ZIC4: variants seen among roughly 807,000 people sequenced by gnomAD.
ZIC4 encodes the protein zinc finger protein ZIC 4.
In ZIC4, 15 loss-of-function variants were observed where a neutral mutation model predicts 28.8. The observed-to-expected ratio is 0.52, with a 90% CI of 0.35 to 0.80. ZIC4 has a LOEUF of 0.80. Ranked by LOEUF, ZIC4 falls within the 30% of genes least tolerant of loss-of-function variation. The pLI is 0.01. For missense variants in ZIC4, 512 were observed against 467.1 expected, an observed-to-expected ratio of 1.10 and a Z score of -0.89; for synonymous variants, 220 against 198.1, an observed-to-expected ratio of 1.11 and a Z score of -0.93.
chr3:147,388,679 C>G lies in ZIC4; in HGVS notation c.*180G>C, dbSNP rs1160674697. ...ATGAAAAGCCTGGACGGGCTCCAGG[C>G]TTGGCCTTTCAGGATTTCAGTGCGA... is the stretch of plus-strand genomic sequence containing the variant. On this transcript the variant is annotated 3_prime_UTR_variant, in exon 5 of 5. Transcript: ENST00000383075. 5.0e-6 allele frequency: 3 copies of G among 604,880 alleles called. No individual in the cohort carries two copies. Among genetic ancestry groups the G allele is most frequent in the Non-Finnish European group, 8.9e-6 (3 of 335,238 alleles). The allele number at this position is 604,880 out of a possible 1,614,324, so 37.5% of individuals were successfully genotyped here.
rs765908678 is a variant in ZIC4, at chr3:147,402,800, T to G, written c.-3A>C. On this transcript the variant is annotated 5_prime_UTR_variant, in exon 2 of 5. Transcript: ENST00000383075. ...ACCAAGGATGTCTTGTATCTCATTT[T>G]CTGACTTTGAGCCTGTTTGGGAAGA... 2 of 1,613,858 alleles carry G rather than the reference T, an allele frequency of 1.2e-6. No individual in the cohort carries two copies. Among genetic ancestry groups the G allele is most frequent in the South Asian group, 2.2e-5 (2 of 91,020 alleles).
At position 147,396,534 on chromosome 3, in the gene ZIC4, C is replaced by T; in HGVS notation, c.71-65G>A. ...GTGGGCTGCGCGCTCTTCCCTGGGCCCCGGGGGGCAGGCCCAGCCCTGCCG... is the reference window on the plus strand; with the variant it reads ...GTGGGCTGCGCGCTCTTCCCTGGGCTCCGGGGGGCAGGCCCAGCCCTGCCG... On this transcript the variant is annotated intron_variant, in intron 2 of 4. Transcript: ENST00000383075. This position sits in a 1 kb window ranked among gnomAD's most constrained non-coding sequence, Gnocchi z 4.2. 11 of 1,479,450 alleles carry T rather than the reference C, an allele frequency of 7.4e-6. No individual in the cohort carries two copies. The highest frequency in any genetic ancestry group is 6.2e-6 in the Non-Finnish European group (7 of 1,125,056). The allele number at this position is 1,479,450 out of a possible 1,614,324, so 91.6% of individuals were successfully genotyped here. A position where few individuals can be genotyped will look rare whatever the true frequency, so the allele number is the denominator to read the frequency against.
intron 3 of ZIC4, among the ~76,000 whole-genome samples, chr3:147,394,387 A>G (rs1261835009): frequency 1.3e-5 from 2 of 150,654 alleles, no homozygotes; most frequent in African/African-American, 4.9e-5. Context: ...CTGTAGGTCG[A>G]CTGTGCTAAG....
At position 147,387,262 on chromosome 3, in the gene ZIC4, G is replaced by A. The variant is rs2086813111; in HGVS notation, c.*1597C>T. On this transcript the variant is annotated 3_prime_UTR_variant, in exon 5 of 5. Transcript: ENST00000383075. ...TAGCAAGACTTAGACCTAAAGTTAT[G>A]TATTGATGCAGTGTGTGGATATTGT... 1 of 152,560 alleles carries A rather than the reference G, an allele frequency of 6.6e-6. No homozygotes were observed. The highest frequency in any genetic ancestry group is 1.5e-5 in the Non-Finnish European group (1 of 68,042). 9.5% of individuals were successfully genotyped at this position (152,560 alleles called of 1,614,324 possible).
chr3:147,404,901 GGCAGGCGCGGGAAAGGCATGCCCA>G (rs2087243943), intron 1 of ZIC4, among the ~76,000 whole-genome samples: 1 of 152,208 alleles, frequency 6.6e-6, no homozygotes, highest in Non-Finnish European at 1.5e-5. Flanking sequence ...CTGACTAGCC[GGCAGGCGCGGGAAAGGCATGCCCA>G]CCTCTCCGCT....
At chr3:147,392,400 C>A (rs1393227335) in intron 3 of ZIC4, 1 of 985,380 alleles carries the variant, frequency 1.0e-6, no homozygotes, top group Non-Finnish European at 1.2e-6. Context: ...TTGGCCGGAC[C>A]GAGCCCCAAT....
chr3:147,394,773 G>A (rs149083256), intron 3 of ZIC4, among the ~76,000 whole-genome samples: 9 of 152,354 alleles, frequency 5.9e-5, no homozygotes, highest in African/African-American at 2.2e-4. Flanking sequence ...CAGTGTCCGG[G>A]CCATGGACCT....
intron 3 of ZIC4, among the ~76,000 whole-genome samples, chr3:147,394,117 CCTCTCTCTCTCT>C (rs113382372): frequency 1.4e-5 from 2 of 145,118 alleles, no homozygotes; most frequent in African/African-American, 2.6e-5. Flanking sequence ...ATTTTTTTTC[CCTCTCTCTCTCT>C]CTCTCTCTCT....
At position 147,396,504 on chromosome 3, in the gene ZIC4, G is replaced by T. The variant is rs746607903; in HGVS notation, c.71-35C>A. On this transcript the variant is annotated intron_variant, in intron 2 of 4. Coordinates refer to ENST00000383075, the MANE Select transcript of ZIC4 (RefSeq NM_032153.6). This position sits in a 1 kb window ranked among gnomAD's most constrained non-coding sequence, Gnocchi z 4.2. ...AAACAAATAGCGCGCATGAGAACGG[G>T]TGGCGTGGGCTGCGCGCTCTTCCCT... The T allele has an allele frequency of 2.0e-6, 3 of 1,496,494 alleles. No homozygotes were observed. The highest frequency in any genetic ancestry group is 4.7e-5 in the Admixed American group (2 of 42,940). 92.7% of individuals were successfully genotyped at this position (1,496,494 alleles called of 1,614,324 possible).
Position 147,396,231 on chromosome 3 carries a change from C to T in ZIC4, c.309G>A (p.Leu103=), listed in dbSNP as rs374655433. The T allele has an allele frequency of 5.6e-6, 9 of 1,613,866 alleles. No homozygotes were observed. Among genetic ancestry groups the T allele is most frequent in the Non-Finnish European group, 6.8e-6 (8 of 1,179,902 alleles). Residue 103 remains leucine (L), a synonymous_variant, in exon 3 of 5, where the codon CTG becomes CTA. Coordinates refer to ENST00000383075, the MANE Select transcript of ZIC4 (RefSeq NM_032153.6). The surrounding 1 kb of genome is among the most constrained non-coding windows in gnomAD (Gnocchi z 4.2). The stretch of plus-strand genomic sequence containing the variant: ...CGTGGGGCGCAGCGAGGTTCACCGT[C>T]AGGTTCATGCCCCCGTAGCCATGCA... ...AALHGYGGMN[L]TVNLAAPHGP... is the part of the protein sequence containing the mutation.
At chr3:147,390,751 C>G (rs1466838410) in intron 4 of ZIC4, among the ~76,000 whole-genome samples, 180 bp downstream of exon 4, 2 of 152,240 alleles carry the variant, frequency 1.3e-5, no homozygotes, top group Admixed American at 6.5e-5. Flanking sequence ...CTTCCGCCCT[C>G]GCCCTCTTCA....
chr3:147,394,883 G>C (rs925884244), intron 3 of ZIC4, among the ~76,000 whole-genome samples: 4 of 152,192 alleles, frequency 2.6e-5, no homozygotes, highest in African/African-American at 4.8e-5. Flanking sequence ...AGCAAGAATA[G>C]GGGCGAGTAA....
intron 1 of ZIC4, chr3:147,404,111 C>G: frequency 1.3e-6 from 2 of 1,535,564 alleles, no homozygotes; most frequent in South Asian, 1.2e-5. Context: ...TGGGCGTCCT[C>G]GCTCTGAAAT....
At chr3:147,399,688 G>A (rs960729533) in intron 2 of ZIC4, among the ~76,000 whole-genome samples, 1 of 136,446 alleles carries the variant, frequency 7.3e-6, no homozygotes, top group African/African-American at 2.6e-5. Context: ...TTTTTTGAGA[G>A]GGAGTCTCCC....
At chr3:147,404,725 G>A (rs2087239645) in intron 1 of ZIC4, among the ~76,000 whole-genome samples, 1 of 152,196 alleles carries the variant, frequency 6.6e-6, no homozygotes, top group African/African-American at 2.4e-5. Flanking sequence ...TGATAGTGCC[G>A]GAGGAGAGCC....
chr3:147,399,021 G>A (rs925044076), intron 2 of ZIC4, among the ~76,000 whole-genome samples: 1 of 151,668 alleles, frequency 6.6e-6, no homozygotes, highest in Non-Finnish European at 1.5e-5. Flanking sequence ...ACTTAGACAC[G>A]TCCAGGTCTT....
intron 3 of ZIC4, 48 bp from the exon 4 acceptor site, chr3:147,391,294 G>T: frequency 6.6e-7 from 1 of 1,508,770 alleles, no homozygotes; most frequent in Non-Finnish European, 8.9e-7. Context: ...TCGTGTTCCC[G>T]TCAGGTGCTT....
chr3:147,401,625 T>G (rs2107982250), intron 2 of ZIC4, among the ~76,000 whole-genome samples: 1 of 152,316 alleles, frequency 6.6e-6, no homozygotes, highest in Non-Finnish European at 1.5e-5. Context: ...TTGCCTCTAT[T>G]CTTATGCAAA....
intron 2 of ZIC4, among the ~76,000 whole-genome samples, chr3:147,397,843 C>CTG (rs2087082003): frequency 6.6e-6 from 1 of 152,104 alleles, no homozygotes; most frequent in African/African-American, 2.4e-5. Context: ...TGGTCCTTTT[C>CTG]GTCTCTCTTA....
Sources: allele counts gnomAD v4.1 joint callset (sites outside exome capture counted in the v4.1 genomes callset), GRCh38; gene constraint gnomAD v4.1.1; non-coding constraint Gnocchi (gnomAD v3.1); transcripts MANE v1.5; gene names NCBI Gene and HGNC (gene_info 2026-07-23, HGNC 2026-07-21).